TENM4: variants seen among roughly 807,000 people sequenced by gnomAD.
TENM4 encodes teneurin-4.
TENM4 carries 82 observed loss-of-function variants against 243.3 expected under a neutral mutation model. The ratio of observed to expected loss-of-function variants is 0.34; its 90% CI spans 0.28 to 0.40. The LOEUF (loss-of-function observed/expected upper bound fraction) is 0.40. TENM4 is among the 10% of genes least tolerant of loss of function. The pLI, the probability that TENM4 is intolerant of heterozygous loss-of-function variation, is 1.00. For missense variants in TENM4, 3,138 were observed against 3,673.3 expected, an observed-to-expected ratio of 0.85 and a Z score of 3.77; for synonymous variants, 1,412 against 1,456.3, an observed-to-expected ratio of 0.97 and a Z score of 0.69.
rs1349460528 is a variant in TENM4 at position 78,701,501 on chromosome 11, C to T, written c.5087+25G>A. ...CAATGAATTAATGAAACAAAATCATCAAATGGCCTTGTTTTAGTACTTACT... is the reference window on the plus strand; with the variant it reads ...CAATGAATTAATGAAACAAAATCATTAAATGGCCTTGTTTTAGTACTTACT... On this transcript the variant is annotated intron_variant, in intron 28 of 33. Transcript: ENST00000278550. The T allele has an allele frequency of 6.5e-6, 10 of 1,536,542 alleles. No homozygotes were observed. In the South Asian group the frequency reaches 1.2e-4, roughly 18 times the overall value.
intron 15 of TENM4, among the ~76,000 whole-genome samples, chr11:78,787,320 G>A (rs568773060): frequency 1.3e-5 from 2 of 152,308 alleles, no homozygotes; most frequent in Admixed American, 6.5e-5. Flanking sequence ...CTGGGCAGAA[G>A]CCTGCCCTGT....
chr11:79,275,733 G>A (rs1277617451), intron 2 of TENM4, among the ~76,000 whole-genome samples: 3 of 152,232 alleles, frequency 2.0e-5, no homozygotes, highest in East Asian at 3.9e-4. Context: ...AAGTCTTGTT[G>A]GGTTAAACTT....
At chr11:78,766,365 A>C (rs977227420) in intron 18 of TENM4, among the ~76,000 whole-genome samples, 4 of 152,254 alleles carry the variant, frequency 2.6e-5, no homozygotes, top group African/African-American at 9.6e-5. Context: ...AATGGGCATG[A>C]ATAAACATCC....
At chr11:78,668,475 AT>A (rs577968483) in intron 32 of TENM4, among the ~76,000 whole-genome samples, 8 of 151,598 alleles carry the variant, frequency 5.3e-5, no homozygotes, top group South Asian at 2.1e-4. Flanking sequence ...TTGAGAACTA[AT>A]TTTTTTTTAA....
chr11:79,299,238 A>G (rs1269889573), intron 1 of TENM4, among the ~76,000 whole-genome samples: 4 of 152,214 alleles, frequency 2.6e-5, no homozygotes. Flanking sequence ...CTGTGACTTC[A>G]GAACTGAAGT....
intron 2 of TENM4, among the ~76,000 whole-genome samples, chr11:79,243,602 C>A (rs1028896606): frequency 2.0e-5 from 3 of 152,162 alleles, no homozygotes; most frequent in Non-Finnish European, 2.9e-5. Context: ...AAGAACACAG[C>A]CACTGTCTCC....
chr11:79,120,379 C>T (rs922798199), intron 4 of TENM4, among the ~76,000 whole-genome samples: 1 of 152,214 alleles, frequency 6.6e-6, no homozygotes, highest in Admixed American at 6.5e-5. Flanking sequence ...CATCCATCCA[C>T]CCATCTGTCT....
chr11:78,723,036 G>C, intron 23 of TENM4, 119 bp from the exon 24 acceptor site: 1 of 1,409,706 alleles, frequency 7.1e-7, no homozygotes. Flanking sequence ...ACCATTTCCA[G>C]GATCATAGCC....
At chr11:78,785,122 T>C (rs1397984868) in intron 16 of TENM4, among the ~76,000 whole-genome samples, 1 of 151,568 alleles carries the variant, frequency 6.6e-6, no homozygotes, top group African/African-American at 2.4e-5. Context: ...GGTTGAAAGG[T>C]TGGTTCATCC....
chr11:79,164,448 GTATATATAGTA>G (rs1268753319), intron 3 of TENM4, among the ~76,000 whole-genome samples: 3 of 128,836 alleles, frequency 2.3e-5, no homozygotes, highest in African/African-American at 6.1e-5. Context: ...GTACTATATA[GTATATATAGTA>G]TATATATAGT....
chr11:79,154,660 C>A (rs1218264369), intron 3 of TENM4, among the ~76,000 whole-genome samples: 1 of 152,126 alleles, frequency 6.6e-6, no homozygotes, highest in Non-Finnish European at 1.5e-5. Context: ...GCTGGGAGTC[C>A]CCTCTTCCCC....
At chr11:78,829,349 C>G (rs1304202395) in intron 12 of TENM4, among the ~76,000 whole-genome samples, 2 of 152,190 alleles carry the variant, frequency 1.3e-5, no homozygotes, top group Non-Finnish European at 2.9e-5. Context: ...AGCTCTGACT[C>G]TCACTAGTTG....
At chr11:78,989,778 G>C (rs908330566) in intron 6 of TENM4, among the ~76,000 whole-genome samples, 2 of 152,148 alleles carry the variant, frequency 1.3e-5, no homozygotes, top group Non-Finnish European at 2.9e-5. Context: ...TTTAGGCTGG[G>C]CACCATGGCT....
At position 78,666,845 on chromosome 11, in the gene TENM4, T is replaced by C. The variant is rs546708875; in HGVS notation, c.7408+2092A>G. ...CATATCTGCCAAGTGCCAGATAGCATAGAGAGTTAGTCATGTTAGTGCTAT... is the reference window on the plus strand; with the variant it reads ...CATATCTGCCAAGTGCCAGATAGCACAGAGAGTTAGTCATGTTAGTGCTAT... On this transcript the variant is annotated intron_variant, in intron 32 of 33. Coordinates refer to ENST00000278550, the MANE Select transcript of TENM4 (RefSeq NM_001098816.3). Among the ~76,000 whole-genome samples the C allele has an allele frequency of 4.6e-5, 7 of 152,254 alleles. No individual in the cohort carries two copies. In the East Asian group the frequency reaches 7.7e-4, roughly 17 times the overall value.
At chr11:78,760,875 A>G (rs1856415509) in intron 18 of TENM4, among the ~76,000 whole-genome samples, 1 of 151,916 alleles carries the variant, frequency 6.6e-6, no homozygotes, top group Non-Finnish European at 1.5e-5. Flanking sequence ...TTTTCCCATC[A>G]TTTGTGTCTG....
In TENM4 at chr11:78,672,234, C is replaced by A; in HGVS notation, c.5592G>T (p.Leu1864=). Residue 1864 remains leucine (L), a synonymous_variant, in exon 31 of 34, where the codon CTG becomes CTT. Transcript: ENST00000278550. ...DDHRKFTLRI[L]YDQAGRPSLW... The stretch of plus-strand genomic sequence containing the variant: ...GGCTGGGCCGCCCCGCCTGGTCGTA[C>A]AGAATCCGAAGGGTGAACTTGCGGT... 6.2e-7 allele frequency: 1 copy of A among 1,614,086 alleles called. No homozygotes were observed. Among genetic ancestry groups the A allele is most frequent in the Non-Finnish European group, 8.5e-7 (1 of 1,179,916 alleles).
chr11:79,165,794 C>T (rs1244643550), intron 3 of TENM4, among the ~76,000 whole-genome samples: 1 of 152,152 alleles, frequency 6.6e-6, no homozygotes, highest in East Asian at 1.9e-4. Context: ...AGTCTTTGAT[C>T]TATCTTGTGT....
Position 79,207,131 on chromosome 11 carries a change from C to T in TENM4, c.-163+8677G>A, listed in dbSNP as rs117763319. On this transcript the variant is annotated intron_variant, in intron 3 of 33. Transcript: ENST00000278550. The stretch of plus-strand genomic sequence containing the variant: ...AAGCAAGGCAATGAGCCTGTGGGGT[C>T]GGGGCAGGCTGCCTGCAAGTTCACC... Among the ~76,000 whole-genome samples, 7 of 152,160 alleles carry T rather than the reference C, an allele frequency of 4.6e-5. No homozygotes were observed. In the East Asian group the frequency reaches 9.7e-4, roughly 21 times the overall value.
At chr11:79,275,223 C>T (rs1030091870) in intron 2 of TENM4, among the ~76,000 whole-genome samples, 7 of 141,214 alleles carry the variant, frequency 5.0e-5, no homozygotes, top group African/African-American at 1.8e-4. Flanking sequence ...TATGTGTGAG[C>T]GGGGTGTGTG....
Sources: gnomAD v4.1 joint callset for allele counts (sites outside exome capture counted in the v4.1 genomes callset) on GRCh38, gnomAD v4.1.1 for gene constraint, MANE v1.5 for transcripts, NCBI Gene and HGNC (gene_info 2026-07-23, HGNC 2026-07-21) for gene names.